Variants in CATSPERT observed in about 807,000 individuals in gnomAD.
The protein encoded by CATSPERT is catsper channel auxiliary subunit tau.
the CATSPERT span, chr2:201,496,039 C>A: frequency 2.9e-6 from 3 of 1,037,430 alleles, no homozygotes; most frequent in South Asian, 1.5e-5. Context: ...TTTATTCTTG[C>A]AATAGTTATT....
the CATSPERT span, among the ~76,000 whole-genome samples, chr2:201,593,645 T>G: frequency 2.0e-5 from 3 of 149,724 alleles, no homozygotes; most frequent in Non-Finnish European, 4.4e-5. Flanking sequence ...GGACTTGCTT[T>G]ATGAAACTGG....
the CATSPERT span, among the ~76,000 whole-genome samples, chr2:201,616,273 A>G: frequency 6.6e-6 from 1 of 152,232 alleles, no homozygotes; most frequent in Admixed American, 6.5e-5. Flanking sequence ...ATTTTAGACC[A>G]ATATCCCTGA....
the CATSPERT span, among the ~76,000 whole-genome samples, chr2:201,538,036 C>T: frequency 6.6e-6 from 1 of 151,948 alleles, no homozygotes; most frequent in Non-Finnish European, 1.5e-5. Flanking sequence ...GTGGTAAGAA[C>T]AATTCACATG....
chr2:201,600,136 C>T, the CATSPERT span, among the ~76,000 whole-genome samples: 49 of 152,262 alleles, frequency 3.2e-4, no homozygotes, highest in Middle Eastern at 3.4e-3. Flanking sequence ...CACATACACA[C>T]GTATGTTTAT....
chr2:201,538,126 AACT>A, the CATSPERT span, among the ~76,000 whole-genome samples: 1 of 152,166 alleles, frequency 6.6e-6, no homozygotes, highest in East Asian at 1.9e-4. Flanking sequence ...AGATCTCTAG[AACT>A]TCATCATCTT....
At chr2:201,515,202 G>GTTTTTTTTTTTTTTTTTTTTTTTTTTTT in the CATSPERT span, among the ~76,000 whole-genome samples, 5 of 24,672 alleles carry the variant, frequency 2.0e-4, 2 homozygotes, top group Admixed American at 5.0e-4. Context: ...TCTGCCCATA[G>GTTTTTTTTTTTTTTTTTTTTTTTTTTTT]TTTTTTTTTT....
the CATSPERT span, among the ~76,000 whole-genome samples, chr2:201,509,790 T>A: frequency 6.6e-6 from 1 of 150,938 alleles, no homozygotes; most frequent in Non-Finnish European, 1.5e-5. Flanking sequence ...ACTTATTAAG[T>A]AATTATTTAA....
the CATSPERT span, among the ~76,000 whole-genome samples, chr2:201,544,710 C>A: frequency 6.6e-6 from 1 of 150,924 alleles, no homozygotes; most frequent in African/African-American, 2.4e-5. Context: ...ATTGGCCAAG[C>A]GTGGTGGCTT....
chr2:201,498,346 C>G, the CATSPERT span, among the ~76,000 whole-genome samples: 1 of 151,952 alleles, frequency 6.6e-6, no homozygotes. Flanking sequence ...GTCCAAAGGC[C>G]GAAAAACCTG....
the CATSPERT span, chr2:201,493,064 T>C: frequency 6.5e-7 from 1 of 1,536,164 alleles, no homozygotes; most frequent in Non-Finnish European, 8.7e-7. Flanking sequence ...TCTAATTCTT[T>C]TTCTGGTTGT....
At chr2:201,596,744 T>A in the CATSPERT span, among the ~76,000 whole-genome samples, 1 of 152,226 alleles carries the variant, frequency 6.6e-6, no homozygotes, top group African/African-American at 2.4e-5. Flanking sequence ...TTTCTCTTAC[T>A]GTTTCCAGAA....
the CATSPERT span, among the ~76,000 whole-genome samples, chr2:201,512,890 A>G: frequency 7.0e-6 from 1 of 142,354 alleles, no homozygotes; most frequent in Middle Eastern, 3.2e-3. Context: ...AGGAGAACAC[A>G]TGGACACAGG....
the CATSPERT span, chr2:201,493,565 T>C: frequency 6.5e-7 from 1 of 1,537,020 alleles, no homozygotes. Context: ...ATCTGGCTTG[T>C]AGCAGATCTG....
chr2:201,532,569 G>C, the CATSPERT span, among the ~76,000 whole-genome samples: 1 of 152,176 alleles, frequency 6.6e-6, no homozygotes, highest in Non-Finnish European at 1.5e-5. Context: ...AGGGCTGAAT[G>C]AATAACCTAT....
chr2:201,534,469 A>G, the CATSPERT span: 1 of 985,410 alleles, frequency 1.0e-6, no homozygotes, highest in Non-Finnish European at 1.2e-6. Flanking sequence ...ACTACAAACT[A>G]TGTGCCCATA....
chr2:201,577,375 A>G, the CATSPERT span, among the ~76,000 whole-genome samples: 1 of 152,220 alleles, frequency 6.6e-6, no homozygotes, highest in East Asian at 1.9e-4. Context: ...TATCATTACT[A>G]TATGATCCAG....
At chr2:201,528,412 T>A in the CATSPERT span, among the ~76,000 whole-genome samples, 1 of 152,190 alleles carries the variant, frequency 6.6e-6, no homozygotes, top group East Asian at 1.9e-4. Context: ...CATTACTGGG[T>A]ATATACCCAA....
the CATSPERT span, chr2:201,492,362 T>C: frequency 2.6e-6 from 4 of 1,534,946 alleles, no homozygotes; most frequent in Middle Eastern, 3.3e-4. Flanking sequence ...ATAAAAAGAC[T>C]CTGGAGGTGT....
chr2:201,575,160 G>T, the CATSPERT span: 1 of 752,178 alleles, frequency 1.3e-6, no homozygotes, highest in Non-Finnish European at 2.0e-6. Context: ...AACAGTGACT[G>T]GTATGGTAAC....
Sources: allele counts gnomAD v4.1 joint callset (sites outside exome capture counted in the v4.1 genomes callset), GRCh38; gene constraint gnomAD v4.1.1; transcripts MANE v1.5; gene names NCBI Gene and HGNC (gene_info 2026-07-23, HGNC 2026-07-21).